TSPAN1: variants seen among roughly 807,000 people sequenced by gnomAD.
TSPAN1 encodes tetraspanin-1.
TSPAN1 carries 23 observed loss-of-function variants against 26.9 expected under a neutral mutation model. That is an observed-to-expected ratio of 0.85 (90% CI 0.62 to 1.21). The LOEUF (loss-of-function observed/expected upper bound fraction) is 1.21, where lower values mean the gene tolerates loss of function less well. Ranked by LOEUF, TSPAN1 falls within the 50% of genes most tolerant of loss-of-function variation. The pLI, the probability that TSPAN1 is intolerant of heterozygous loss-of-function variation, is 0.00. For synonymous variants in TSPAN1, 115 were observed against 114.8 expected, an observed-to-expected ratio of 1.00 and a Z score of -0.01; for missense variants, 283 against 298.4, an observed-to-expected ratio of 0.95 and a Z score of 0.38.
intron 1 of TSPAN1, among the ~76,000 whole-genome samples, chr1:46,177,347 AAAT>A (rs1340130738): frequency 3.7e-4 from 35 of 94,490 alleles, no homozygotes; most frequent in African/African-American, 1.4e-3. Context: ...AAAAAAAAAA[AAAT>A]ATATCTATCT....
Position 46,176,120 on chromosome 1 carries a change from C to T in TSPAN1, c.-142+711C>T. 7.2e-6 allele frequency: 9 copies of T among 1,249,508 alleles called. 1 individual carries two copies. In the South Asian group the frequency reaches 8.5e-5, roughly 12 times the overall value. 77.4% of individuals were successfully genotyped at this position (1,249,508 alleles called of 1,614,324 possible). A position where few individuals can be genotyped will look rare whatever the true frequency, so the allele number is the denominator to read the frequency against. On this transcript the variant is annotated intron_variant, in intron 1 of 8. Transcript: ENST00000372003. ...TCGATCTCCTGACCTTGTGATCTGC[C>T]CGCCTTGGCCTCCCAAAGTGCCGGG...
chr1:46,190,046 C>T (rs1657635443), downstream of TSPAN1: 10 of 1,601,296 alleles, frequency 6.2e-6, no homozygotes, highest in Admixed American at 6.8e-5. Context: ...TGGGTGTGTC[C>T]CACAGGACCC....
chr1:46,189,355 A>G, downstream of TSPAN1: 1 of 1,613,842 alleles, frequency 6.2e-7, no homozygotes, highest in Non-Finnish European at 8.5e-7. Flanking sequence ...TGGCTTCTTC[A>G]CTCTGGGAAA....
At chr1:46,192,188 T>C in the TSPAN1 span, 1 of 1,614,060 alleles carries the variant, frequency 6.2e-7, no homozygotes, top group Non-Finnish European at 8.5e-7. Context: ...CCCGGCGTTG[T>C]TCAGGCATCC....
At chr1:46,187,588 G>A (rs542473752), downstream of TSPAN1, among the ~76,000 whole-genome samples, 3 of 152,134 alleles carry the variant, frequency 2.0e-5, no homozygotes, top group African/African-American at 4.8e-5. Flanking sequence ...GCTAGGGTGC[G>A]GGACAGGGGG....
At chr1:46,190,266 G>A (rs937499374), downstream of TSPAN1, 8 of 720,270 alleles carry the variant, frequency 1.1e-5, no homozygotes, top group South Asian at 3.2e-5. Context: ...GGATGGTCTC[G>A]ATCTCCTGAC....
rs149302587 is a variant in TSPAN1 at position 46,185,273 on chromosome 1, G to A, written c.643G>A (p.Val215Met). The part of the protein sequence containing the change: ...LYDIRTNAVT[V>M]GGVAAGIGGL... ...TGACATCCGAACTAATGCAGTCACC[G>A]TGGGTGGTGTGGCAGCTGGAATTGG... The change falls in exon 8 of 9, where the codon GTG becomes ATG. Residue 215 changes from valine to methionine, a missense_variant. Transcript: ENST00000372003. 1.6e-4 allele frequency: 259 copies of A among 1,614,160 alleles called. No homozygotes were observed. The highest frequency in any genetic ancestry group is 1.9e-4 in the Non-Finnish European group (226 of 1,180,040).
the TSPAN1 span, among the ~76,000 whole-genome samples, chr1:46,195,254 C>T: frequency 6.6e-6 from 1 of 152,320 alleles, no homozygotes; most frequent in Non-Finnish European, 1.5e-5. Flanking sequence ...TATTCTGCTC[C>T]ACCTCGACTA....
Position 46,184,523 on chromosome 1 carries a change from G to T in TSPAN1, c.265-71G>T. On this transcript the variant is annotated intron_variant, in intron 4 of 8. Transcript: ENST00000372003. ...CAGGCTTCTGTCTCACTTTTCCGGG[G>T]GGGGGATTAGGGCAAGGAGGGCATG... 3 of 1,604,706 alleles carry T rather than the reference G, an allele frequency of 1.9e-6. No individual in the cohort carries two copies. Among genetic ancestry groups the T allele is most frequent in the South Asian group, 2.2e-5 (2 of 90,830 alleles).
downstream of TSPAN1, chr1:46,190,919 T>A: frequency 1.2e-6 from 1 of 815,698 alleles, no homozygotes; most frequent in Non-Finnish European, 2.1e-6. Flanking sequence ...TCCCACCGTC[T>A]TCTCCATCCT....
intron 3 of TSPAN1, 30 bp downstream of exon 3, chr1:46,181,194 G>T (rs760413095): frequency 1.9e-6 from 3 of 1,601,852 alleles, no homozygotes; most frequent in African/African-American, 2.7e-5. Context: ...ACTCTTTGGG[G>T]CTCCCTATAG....
chr1:46,178,314 GC>G (rs1657231306), intron 1 of TSPAN1, among the ~76,000 whole-genome samples: 1 of 150,818 alleles, frequency 6.6e-6, no homozygotes, highest in Admixed American at 6.6e-5. Flanking sequence ...CCAAGATTGC[GC>G]CACTGCATTC....
chr1:46,191,118 G>C, the TSPAN1 span: 5 of 362,382 alleles, frequency 1.4e-5, no homozygotes, highest in South Asian at 4.5e-5. Context: ...CCCTGCAGGA[G>C]GTGGTGGGCA....
intron 4 of TSPAN1, 58 bp downstream of exon 4, chr1:46,184,455 A>T (rs983725713): frequency 6.2e-7 from 1 of 1,610,704 alleles, no homozygotes; most frequent in African/African-American, 1.3e-5. Context: ...CCTTGACACC[A>T]GGCCCTGGGA....
downstream of TSPAN1, chr1:46,190,126 T>A: frequency 1.4e-5 from 14 of 1,022,714 alleles, no homozygotes; most frequent in Non-Finnish European, 1.9e-5. Context: ...TGAGATGGAG[T>A]CTTGCTCTGT....
the TSPAN1 span, chr1:46,192,972 G>A: frequency 1.2e-6 from 2 of 1,614,152 alleles, 1 homozygote; most frequent in South Asian, 2.2e-5. Context: ...GAAGGGGAAT[G>A]GGACATCATG....
downstream of TSPAN1, among the ~76,000 whole-genome samples, chr1:46,186,759 T>G (rs898762102): frequency 7.0e-6 from 1 of 142,562 alleles, no homozygotes; most frequent in Non-Finnish European, 1.5e-5. Context: ...CCCCCTGGGG[T>G]TCACGCCATT....
intron 8 of TSPAN1, 57 bp downstream of exon 8, chr1:46,185,365 C>G: frequency 6.2e-7 from 1 of 1,610,058 alleles, no homozygotes; most frequent in Non-Finnish European, 8.5e-7. Context: ...GGCTGCTCAA[C>G]CCATCTGAGG....
At chr1:46,189,978 ACCT>A, downstream of TSPAN1, 1 of 1,614,060 alleles carries the variant, frequency 6.2e-7, no homozygotes, top group East Asian at 2.2e-5. Context: ...GTGGTCCAGA[ACCT>A]CAGCCTCACT....
Sources: allele counts gnomAD v4.1 joint callset (sites outside exome capture counted in the v4.1 genomes callset), GRCh38; gene constraint gnomAD v4.1.1; transcripts MANE v1.5; gene names NCBI Gene and HGNC (gene_info 2026-07-23, HGNC 2026-07-21).